The following NECTIN1 variants were observed in gnomAD, a reference collection of about 807,000 sequenced individuals.
NECTIN1 encodes nectin-1.
NECTIN1 carries 23 observed loss-of-function variants against 48.0 expected under a neutral mutation model. That is an observed-to-expected ratio of 0.48 (90% CI 0.34 to 0.68). The LOEUF (loss-of-function observed/expected upper bound fraction) is 0.68. Ranked by LOEUF, NECTIN1 falls within the 30% of genes least tolerant of loss-of-function variation. The probability of loss-of-function intolerance (pLI) is 0.01; values close to 1 mark genes in which losing one functional copy is unlikely to be tolerated. For synonymous variants in NECTIN1, 270 were observed against 288.9 expected (o/e 0.93, Z 0.66); for missense variants, 591 against 709.9 (o/e 0.83, Z 1.90).
At chr11:119,648,281 T>A (rs1431247742) in intron 5 of NECTIN1, among the ~76,000 whole-genome samples, 2 of 64,106 alleles carry the variant, frequency 3.1e-5, no homozygotes, top group African/African-American at 1.3e-4. Flanking sequence ...GTGGTGATGG[T>A]GGTGGTGATG....
intron 5 of NECTIN1, among the ~76,000 whole-genome samples, chr11:119,670,842 T>C (rs1864852780): frequency 6.6e-6 from 1 of 151,860 alleles, no homozygotes; most frequent in Non-Finnish European, 1.5e-5. Context: ...TTTCACAACG[T>C]TGGCCAGGCT....
At chr11:119,725,893 G>A (rs949873801) in intron 1 of NECTIN1, among the ~76,000 whole-genome samples, 2 of 152,068 alleles carry the variant, frequency 1.3e-5, no homozygotes, top group African/African-American at 2.4e-5. Context: ...CTCCTCCTAG[G>A]GCTCCCCCTA....
intron 1 of NECTIN1, among the ~76,000 whole-genome samples, chr11:119,710,207 G>A (rs1408189297): frequency 1.3e-5 from 2 of 152,228 alleles, no homozygotes; most frequent in Non-Finnish European, 2.9e-5. Flanking sequence ...AAGCACACAT[G>A]TGCAGCTGAA....
Position 119,664,145 on chromosome 11 carries a change from CG to C in NECTIN1, c.*601del. Reference sequence around the variant, plus strand: ...AGCAGGAAAACACTGCCCAAGGCCCCGCTTAACAAACAAGACTCCCTGGGAA... The same window carrying C: ...AGCAGGAAAACACTGCCCAAGGCCCCCTTAACAAACAAGACTCCCTGGGAA... On this transcript the variant is annotated 3_prime_UTR_variant, in exon 6 of 6. Transcript: ENST00000264025. 2.0e-6 allele frequency: 2 copies of C among 986,294 alleles called. No individual in the cohort carries two copies. Among genetic ancestry groups the C allele is most frequent in the Non-Finnish European group, 2.4e-6 (2 of 830,326 alleles). 61.1% of individuals were successfully genotyped at this position (986,294 alleles called of 1,614,324 possible). A position where few individuals can be genotyped will look rare whatever the true frequency, so the allele number is the denominator to read the frequency against.
chr11:119,661,847 C>A lies in NECTIN1; in HGVS notation c.*2900G>T, dbSNP rs1054756452. 14 of 985,132 alleles carry A rather than the reference C, an allele frequency of 1.4e-5. No individual in the cohort carries two copies. The African/African-American group carries it at 2.1e-4, about 15-fold the overall frequency. 61.0% of individuals were successfully genotyped at this position (985,132 alleles called of 1,614,324 possible). ...CTGTGCATGCATGCGTGTGTACATG[C>A]GTGTACACATGCCTGCGCGTGGGTG... On this transcript the variant is annotated 3_prime_UTR_variant, in exon 6 of 6. Coordinates refer to ENST00000264025, the MANE Select transcript of NECTIN1 (RefSeq NM_002855.5).
Position 119,677,835 on chromosome 11 carries a change from C to G in NECTIN1, c.453G>C (p.Glu151Asp). Residue 151 changes from glutamate to aspartate, a missense_variant, in exon 3 of 6, where the codon GAG (glutamate) becomes GAC (aspartate). By Grantham distance (45) the Glu-to-Asp change is conservative (BLOSUM62 2). Transcript: ENST00000264025. This position sits in a 1 kb window ranked among gnomAD's most constrained non-coding sequence, Gnocchi z 5.4. ...TVMAKPTNWI[E>D]GTQAVLRAKK... is the part of the protein sequence containing the mutation. ...TGGCTCGAAGCACTGCCTGGGTACCCTCTATCCAATTGGTGGGTTTGGCTG... is the reference window on the plus strand; with the variant it reads ...TGGCTCGAAGCACTGCCTGGGTACCGTCTATCCAATTGGTGGGTTTGGCTG... The G allele has an allele frequency of 6.2e-7, 1 of 1,614,138 alleles. No individual in the cohort carries two copies.
chr11:119,707,608 T>G (rs1299540455), intron 1 of NECTIN1, among the ~76,000 whole-genome samples: 1 of 152,236 alleles, frequency 6.6e-6, no homozygotes, highest in East Asian at 1.9e-4. Flanking sequence ...TATGCCAAGT[T>G]GCAGAATCCT....
intron 1 of NECTIN1, among the ~76,000 whole-genome samples, chr11:119,719,959 C>T (rs1390310210): frequency 2.0e-5 from 3 of 150,678 alleles, no homozygotes; most frequent in African/African-American, 7.4e-5. Context: ...GGGAAATAAG[C>T]GGGAATGGGG....
chr11:119,691,316 C>T (rs1416149505), intron 1 of NECTIN1, among the ~76,000 whole-genome samples: 6 of 152,256 alleles, frequency 3.9e-5, no homozygotes, highest in Non-Finnish European at 7.3e-5. Context: ...CAGGTCTAAA[C>T]CCAGCCCCAG....
At chr11:119,694,332 G>A (rs1016636902) in intron 1 of NECTIN1, among the ~76,000 whole-genome samples, 5 of 152,156 alleles carry the variant, frequency 3.3e-5, no homozygotes, top group African/African-American at 9.7e-5. Flanking sequence ...CATGGCCCAG[G>A]AGCACCTGGG....
intron 5 of NECTIN1, among the ~76,000 whole-genome samples, chr11:119,667,613 A>C (rs1864796521): frequency 6.6e-6 from 1 of 152,154 alleles, no homozygotes; most frequent in Non-Finnish European, 1.5e-5. Flanking sequence ...TTTTTCTGAA[A>C]CATGTCCCTT....
intron 5 of NECTIN1, chr11:119,674,235 C>T: frequency 1.1e-6 from 1 of 913,644 alleles, no homozygotes. Context: ...ACACCACTTC[C>T]TTTTTTAAGA....
intron 5 of NECTIN1, chr11:119,642,725 T>C (rs1332880719): frequency 6.5e-6 from 1 of 153,522 alleles, no homozygotes; most frequent in African/African-American, 2.4e-5. Context: ...TTATATAAAA[T>C]GGTGTAGTAT....
At chr11:119,688,530 T>C (rs1304716969) in intron 1 of NECTIN1, among the ~76,000 whole-genome samples, 1 of 152,182 alleles carries the variant, frequency 6.6e-6, no homozygotes, top group Non-Finnish European at 1.5e-5. Flanking sequence ...ACCCCCTCCA[T>C]TTGTGATGAC....
In NECTIN1 at chr11:119,728,671, TCAGCTGCAGCCGTCGGCC is replaced by T; in HGVS notation, c.-136_-119del. ...TCGGCGGGCGCTCGAAGGATCCAGG[TCAGCTGCAGCCGTCGGCC>T]GGGGCGGGGTGGGCTGGGTGGGATC... On this transcript the variant is annotated 5_prime_UTR_variant, in exon 1 of 6. Transcript: ENST00000264025. 1 of 179,252 alleles carries T rather than the reference TCAGCTGCAGCCGTCGGCC, an allele frequency of 5.6e-6. No individual in the cohort carries two copies. The highest frequency in any genetic ancestry group is 2.6e-4 in the East Asian group (1 of 3,908). The allele number at this position is 179,252 out of a possible 1,614,324, so 11.1% of individuals were successfully genotyped here. A position where few individuals can be genotyped will look rare whatever the true frequency, so the allele number is the denominator to read the frequency against.
chr11:119,683,670 G>A lies in NECTIN1; in HGVS notation c.80-4905C>T, dbSNP rs1450261020. ...AAGAGCTAGAGAGGTGGGGAGTGAA[G>A]GGCAGAGGCATCCATAGAACCTGTG... is the stretch of plus-strand genomic sequence containing the variant. On this transcript the variant is annotated intron_variant, in intron 1 of 5. Coordinates refer to ENST00000264025, the MANE Select transcript of NECTIN1 (RefSeq NM_002855.5). This position sits in a 1 kb window ranked among gnomAD's most constrained non-coding sequence, Gnocchi z 4.0. Among the ~76,000 whole-genome samples the A allele has an allele frequency of 2.0e-5, 3 of 151,850 alleles. No individual in the cohort carries two copies. Among genetic ancestry groups the A allele is most frequent in the Non-Finnish European group, 4.4e-5 (3 of 67,954 alleles).
Position 119,728,673 on chromosome 11 carries a change from A to G in NECTIN1, c.-120T>C, listed in dbSNP as rs1192802534. ...GGCGGGCGCTCGAAGGATCCAGGTC[A>G]GCTGCAGCCGTCGGCCGGGGCGGGG... On this transcript the variant is annotated 5_prime_UTR_variant, in exon 1 of 6. Coordinates refer to ENST00000264025, the MANE Select transcript of NECTIN1 (RefSeq NM_002855.5). 1.2e-4 allele frequency: 20 copies of G among 169,932 alleles called. No homozygotes were observed. Among genetic ancestry groups the G allele is most frequent in the Non-Finnish European group, 2.0e-4 (17 of 83,576 alleles). The allele number at this position is 169,932 out of a possible 1,614,324, so 10.5% of individuals were successfully genotyped here. A position where few individuals can be genotyped will look rare whatever the true frequency, so the allele number is the denominator to read the frequency against.
rs1456398872 is a variant in NECTIN1 at position 119,662,392 on chromosome 11, G to A, written c.*2355C>T. ...CTGCTCGGTGGGTATGCTGAGGCTG[G>A]GCCCCTGGCAAGTCAGGAGCCTCCT... is the stretch of plus-strand genomic sequence containing the variant. On this transcript the variant is annotated 3_prime_UTR_variant, in exon 6 of 6. Transcript: ENST00000264025. The surrounding 1 kb of genome is among the most constrained non-coding windows in gnomAD (Gnocchi z 5.3). 14 of 985,576 alleles carry A rather than the reference G, an allele frequency of 1.4e-5. No homozygotes were observed. Among genetic ancestry groups the A allele is most frequent in the African/African-American group, 1.7e-5 (1 of 57,174 alleles). 61.1% of individuals were successfully genotyped at this position (985,576 alleles called of 1,614,324 possible).
intron 1 of NECTIN1, among the ~76,000 whole-genome samples, chr11:119,704,693 C>G (rs1227526449): frequency 1.3e-5 from 2 of 152,186 alleles, no homozygotes; most frequent in African/African-American, 4.8e-5. Context: ...CAGAATGAGT[C>G]TCCATCTCCT....
Sources: allele counts gnomAD v4.1 joint callset (sites outside exome capture counted in the v4.1 genomes callset), GRCh38; gene constraint gnomAD v4.1.1; non-coding constraint Gnocchi (gnomAD v3.1); transcripts MANE v1.5; gene names NCBI Gene and HGNC (gene_info 2026-07-23, HGNC 2026-07-21).